The following AMZ1 variants were observed in gnomAD, a reference collection of about 807,000 sequenced individuals.
AMZ1 encodes the protein archaemetzincin-1.
Under a neutral mutation model 29.9 loss-of-function variants are expected in AMZ1, and 39 were observed. The observed-to-expected ratio is 1.30, with a 90% CI of 1.01 to 1.70. The LOEUF is 1.70. Ranked by LOEUF, AMZ1 falls within the 40% of genes most tolerant of loss-of-function variation. The pLI is 0.00. For synonymous variants in AMZ1, 458 were observed against 304.0 expected (o/e 1.51, Z -5.27); for missense variants, 1,041 against 680.6 (o/e 1.53, Z -5.89).
At chr7:2,758,647 C>A (rs62441393) in intron 4 of AMZ1, among the ~76,000 whole-genome samples, 4,033 of 152,212 alleles carry the variant, frequency 0.026, 105 homozygotes, top group South Asian at 0.033. Context: ...GTCTCGGGGG[C>A]CCCCACAGCA....
At chr7:2,759,523 A>T (rs1416619151) in intron 4 of AMZ1, among the ~76,000 whole-genome samples, 1 of 152,226 alleles carries the variant, frequency 6.6e-6, no homozygotes, top group Non-Finnish European at 1.5e-5. Flanking sequence ...AAGACAAGTA[A>T]AAGGAAAGGA....
intron 4 of AMZ1, among the ~76,000 whole-genome samples, chr7:2,737,402 C>T (rs982031327): frequency 6.7e-6 from 1 of 149,668 alleles, no homozygotes; most frequent in Non-Finnish European, 1.5e-5. Context: ...AATTCTCCTG[C>T]CTCAGCCTAC....
intron 6 of AMZ1, among the ~76,000 whole-genome samples, chr7:2,712,026 A>G (rs967908789): frequency 2.2e-4 from 33 of 150,568 alleles, no homozygotes; most frequent in African/African-American, 6.9e-4. Flanking sequence ...CAGCCTGGCC[A>G]ACAGAGTGAG....
intron 3 of AMZ1, among the ~76,000 whole-genome samples, 164 bp from the exon 4 acceptor site, chr7:2,708,424 G>A (rs1035956067): frequency 1.3e-5 from 2 of 152,138 alleles, no homozygotes; most frequent in Non-Finnish European, 1.5e-5. Context: ...ACATCATGCA[G>A]TACTGTGTGC....
intron 4 of AMZ1, among the ~76,000 whole-genome samples, chr7:2,743,029 C>T (rs1790589316): frequency 6.6e-6 from 1 of 152,172 alleles, no homozygotes; most frequent in Non-Finnish European, 1.5e-5. Flanking sequence ...AGCCTACCAT[C>T]TTTTTGGCCA....
intron 4 of AMZ1, among the ~76,000 whole-genome samples, chr7:2,753,154 C>T (rs1192457170): frequency 1.4e-5 from 2 of 147,180 alleles, no homozygotes; most frequent in Non-Finnish European, 3.0e-5. Flanking sequence ...CAGCATGCGG[C>T]TTTTTTTTTT....
chr7:2,689,353 G>C (rs1165152648), intron 1 of AMZ1, among the ~76,000 whole-genome samples: 2 of 150,658 alleles, frequency 1.3e-5, no homozygotes, highest in Non-Finnish European at 3.0e-5. Context: ...TTGTTGCTTA[G>C]AGCGGCAGAA....
chr7:2,738,897 C>T (rs1790350831), intron 4 of AMZ1, among the ~76,000 whole-genome samples: 1 of 152,172 alleles, frequency 6.6e-6, no homozygotes, highest in Non-Finnish European at 1.5e-5. Context: ...TGACTCTGGC[C>T]ACGCTTTGGC....
chr7:2,733,061 C>A (rs1172605127), intron 4 of AMZ1, among the ~76,000 whole-genome samples: 1 of 152,200 alleles, frequency 6.6e-6, no homozygotes, highest in Non-Finnish European at 1.5e-5. Flanking sequence ...CTAAAATATT[C>A]TCTGCATTTG....
intron 3 of AMZ1, 131 bp downstream of exon 3, chr7:2,703,020 T>A (rs903090023): frequency 4.6e-6 from 6 of 1,307,222 alleles, no homozygotes; most frequent in Admixed American, 2.9e-5. Context: ...ATTTCCCAGG[T>A]GTTTGGGAAG....
chr7:2,713,226 A>C lies in AMZ1; in HGVS notation c.*348A>C, dbSNP rs550371608. Reference sequence around the variant, plus strand: ...CACTGTACTGCAGTCTGGGCCACACAGAAAGACTGTCTCCAGAAAAAAAAA... The same window carrying C: ...CACTGTACTGCAGTCTGGGCCACACCGAAAGACTGTCTCCAGAAAAAAAAA... On this transcript the variant is annotated 3_prime_UTR_variant, in exon 7 of 7. Transcript: ENST00000683327. 5.3e-6 allele frequency: 1 copy of C among 187,638 alleles called. No individual in the cohort carries two copies. The highest frequency in any genetic ancestry group is 2.3e-5 in the African/African-American group (1 of 42,946). The allele number at this position is 187,638 out of a possible 1,614,324, so 11.6% of individuals were successfully genotyped here.
At chr7:2,695,294 T>G (rs1583149543) in intron 1 of AMZ1, among the ~76,000 whole-genome samples, 2 of 151,796 alleles carry the variant, frequency 1.3e-5, no homozygotes, top group South Asian at 2.1e-4. Context: ...AGTCCAGGAG[T>G]GAGACCCACG....
At chr7:2,726,175 G>T (rs1488184248) in intron 4 of AMZ1, among the ~76,000 whole-genome samples, 1 of 152,228 alleles carries the variant, frequency 6.6e-6, no homozygotes, top group Non-Finnish European at 1.5e-5. Context: ...AAGGCTGCAT[G>T]TGCGTGAGGA....
intron 4 of AMZ1, among the ~76,000 whole-genome samples, chr7:2,754,295 A>G (rs554647766): frequency 5.3e-4 from 80 of 152,136 alleles, no homozygotes; most frequent in Admixed American, 1.2e-3. Flanking sequence ...TGGTGAAATC[A>G]CTTCATATGT....
Position 2,712,572 on chromosome 7 carries a change from T to C in AMZ1, c.1191T>C (p.Pro397=), listed in dbSNP as rs1788861209. 7 of 1,611,418 alleles carry C rather than the reference T, an allele frequency of 4.3e-6. No homozygotes were observed. Among genetic ancestry groups the C allele is most frequent in the Non-Finnish European group, 5.9e-6 (7 of 1,179,192 alleles). Residue 397 remains proline, a synonymous_variant, in exon 7 of 7, where the codon CCT becomes CCC. Coordinates refer to ENST00000683327, the MANE Select transcript of AMZ1 (RefSeq NM_001384743.1). ...CAGCCTCAGAGGCTCCGCTGCCACC[T>C]GGGGGCCCTGCGGAGGCCATCAAGG... ...YLAASEAPLP[P]GGPAEAIKEH...
chr7:2,762,382 C>T, upstream of AMZ1: 1 of 445,228 alleles, frequency 2.2e-6, no homozygotes, highest in Non-Finnish European at 4.0e-6. Flanking sequence ...ATGGCGGTTC[C>T]CACTTTCCTC....
intron 4 of AMZ1, among the ~76,000 whole-genome samples, chr7:2,739,626 T>A (rs1171977712): frequency 6.6e-6 from 1 of 152,308 alleles, no homozygotes; most frequent in Middle Eastern, 3.4e-3. Flanking sequence ...GAATATCTGT[T>A]TTCATTTCTT....
chr7:2,723,947 C>T (rs937191339), downstream of AMZ1, among the ~76,000 whole-genome samples: 5 of 152,290 alleles, frequency 3.3e-5, no homozygotes, highest in East Asian at 5.8e-4. Context: ...TGCTCAGTTG[C>T]CCAGGCTGGA....
rs1313099662 is a variant in AMZ1, at chr7:2,716,646, C to G, written c.*3768C>G. 6.6e-6 allele frequency: 1 copy of G among 152,236 alleles called. No homozygotes were observed. Among genetic ancestry groups the G allele is most frequent in the Non-Finnish European group, 1.5e-5 (1 of 68,046 alleles). The allele number at this position is 152,236 out of a possible 1,614,324, so 9.4% of individuals were successfully genotyped here. On this transcript the variant is annotated 3_prime_UTR_variant, in exon 7 of 7. Transcript: ENST00000683327. ...GGGTCTCCATACAGTGCCAAGGGAG[C>G]TGCTCTGCAGACCCACCAGGCAGGG...
Sources: gnomAD v4.1 joint callset for allele counts (sites outside exome capture counted in the v4.1 genomes callset) on GRCh38, gnomAD v4.1.1 for gene constraint, MANE v1.5 for transcripts, NCBI Gene and HGNC (gene_info 2026-07-23, HGNC 2026-07-21) for gene names.